UBLCP1: variants seen among roughly 807,000 people sequenced by gnomAD.
UBLCP1 encodes ubiquitin like domain containing CTD phosphatase 1, also known as ubiquitin-like domain-containing CTD phosphatase 1.
UBLCP1 carries 28 observed loss-of-function variants against 42.4 expected under a neutral mutation model. The observed-to-expected ratio is 0.66, with a 90% confidence interval of 0.49 to 0.90. The LOEUF is 0.90. Ranked by LOEUF, UBLCP1 falls within the 40% of genes least tolerant of loss-of-function variation. The pLI, the probability that UBLCP1 is intolerant of heterozygous loss-of-function variation, is 0.00. For synonymous variants in UBLCP1, 122 were observed against 120.8 expected (o/e 1.01, Z -0.07); for missense variants, 279 against 374.5 (o/e 0.75, Z 2.10).
chr5:159,275,181 A>G lies in UBLCP1; in HGVS notation c.619A>G (p.Ile207Val), dbSNP rs1384704467. ...AGTGAGCACAAATGCAAATTATAAG[A>G]TTACTTTCATGTTGGATAGTGCTGC... The part of the protein sequence containing the change: ...LGVSTNANYK[I>V]TFMLDSAAMI... The change falls in exon 8 of 11, where the codon ATT becomes GTT. Residue 207 changes from isoleucine to valine, a missense_variant. By Grantham distance (29) the Ile-to-Val change is conservative. Transcript: ENST00000296786. 1 of 1,613,268 alleles carries G rather than the reference A, an allele frequency of 6.2e-7. No individual in the cohort carries two copies. The highest frequency in any genetic ancestry group is 8.5e-7 in the Non-Finnish European group (1 of 1,179,834).
chr5:159,264,417 G>C (rs568926225), intron 1 of UBLCP1, among the ~76,000 whole-genome samples: 2 of 152,348 alleles, frequency 1.3e-5, no homozygotes, highest in Non-Finnish European at 2.9e-5. Context: ...CTTCATTGGT[G>C]TGAACGGTCT....
chr5:159,285,241 CACAA>C lies in UBLCP1; in HGVS notation c.*312_*315del, dbSNP rs1753661273. ...ACACACACACACACACACACACACACACAAAGTGGAGAAAAATGTATACTCAACA... is the reference window on the plus strand; with the variant it reads ...ACACACACACACACACACACACACACAGTGGAGAAAAATGTATACTCAACA... On this transcript the variant is annotated 3_prime_UTR_variant, in exon 11 of 11. Transcript: ENST00000296786. 4.9e-6 allele frequency: 1 copy of C among 205,394 alleles called. No homozygotes were observed. The allele number at this position is 205,394 out of a possible 1,614,324, so 12.7% of individuals were successfully genotyped here.
At chr5:159,269,881 GA>G (rs1214079628) in intron 2 of UBLCP1, 26 bp from the exon 3 acceptor site, 2 of 1,586,592 alleles carry the variant, frequency 1.3e-6, no homozygotes, top group African/African-American at 1.3e-5. Flanking sequence ...ACTTTAGTGA[GA>G]AAACAGTCAT....
Position 159,269,622 on chromosome 5 carries a change from T to C in UBLCP1, c.155-286T>C, listed in dbSNP as rs187531028. ...TCCTGGAAAACAGTAATATTCATCT[T>C]GAACAACAGAATAAAACATGAATTA... On this transcript the variant is annotated intron_variant, in intron 2 of 10. Coordinates refer to ENST00000296786, the MANE Select transcript of UBLCP1 (RefSeq NM_145049.5). Among the ~76,000 whole-genome samples, 508 of 152,314 alleles carry C rather than the reference T, an allele frequency of 3.3e-3. 2 individuals are homozygous for C. Among genetic ancestry groups the C allele is most frequent in the African/African-American group, 0.012 (491 of 41,574 alleles).
At chr5:159,263,638 C>A (rs530185582) in intron 1 of UBLCP1, among the ~76,000 whole-genome samples, 1 of 152,190 alleles carries the variant, frequency 6.6e-6, no homozygotes, top group Non-Finnish European at 1.5e-5. Flanking sequence ...CTTGTCCATC[C>A]CTCCCCTCAA....
intron 10 of UBLCP1, among the ~76,000 whole-genome samples, chr5:159,283,990 G>A (rs35046837): frequency 0.15 from 23,125 of 151,936 alleles, 2,004 homozygotes; most frequent in Non-Finnish European, 0.19. Flanking sequence ...ACAGTATTTG[G>A]GGGGGAATTA....
At chr5:159,284,666 T>C (rs902463834) in intron 10 of UBLCP1, among the ~76,000 whole-genome samples, 16 of 152,174 alleles carry the variant, frequency 1.1e-4, no homozygotes, top group African/African-American at 3.1e-4. Context: ...AACCTCTTTG[T>C]GCCTGTAAAA....
At position 159,269,914 on chromosome 5, in the gene UBLCP1, C is replaced by T; in HGVS notation, c.161C>T (p.Pro54Leu). Residue 54 changes from proline (P) to leucine (L), a missense_variant, in exon 3 of 11, where the codon CCT (proline) becomes CTT (leucine). Coordinates refer to ENST00000296786, the MANE Select transcript of UBLCP1 (RefSeq NM_145049.5). ...TCATTTGCTTGTATTGTAGGCAAAC[C>T]TGCAGAAAATGATGTTAAGCTTGGA... ...KLLGLKVKGK[P>L]AENDVKLGAL... 6.2e-7 allele frequency: 1 copy of T among 1,612,304 alleles called. No individual in the cohort carries two copies. Among genetic ancestry groups the T allele is most frequent in the Non-Finnish European group, 8.5e-7 (1 of 1,179,164 alleles).
At chr5:159,266,252 T>C (rs569580809) in intron 1 of UBLCP1, among the ~76,000 whole-genome samples, 1 of 152,308 alleles carries the variant, frequency 6.6e-6, no homozygotes, top group South Asian at 2.1e-4. Context: ...CAGATGGAAA[T>C]GAGGAACTTG....
At chr5:159,275,395 G>T (rs1400491261) in intron 8 of UBLCP1, 149 bp downstream of exon 8, 6 of 369,622 alleles carry the variant, frequency 1.6e-5, no homozygotes, top group Non-Finnish European at 2.9e-5. Flanking sequence ...TGTATTTAAG[G>T]TTAAAAGATT....
intron 8 of UBLCP1, among the ~76,000 whole-genome samples, chr5:159,275,487 C>T (rs370994531): frequency 6.9e-5 from 10 of 145,162 alleles, no homozygotes; most frequent in Admixed American, 5.0e-4. Flanking sequence ...ATCTCGCTCA[C>T]GCAAGCTCCG....
chr5:159,271,353 T>G (rs1444482207), intron 5 of UBLCP1, among the ~76,000 whole-genome samples: 3 of 151,978 alleles, frequency 2.0e-5, no homozygotes, highest in Admixed American at 6.6e-5. Context: ...CCAGCTACTT[T>G]AGGAGGCTGA....
At chr5:159,268,762 C>T (rs533648919) in intron 1 of UBLCP1, 108 bp from the exon 2 acceptor site, 110 of 766,252 alleles carry the variant, frequency 1.4e-4, no homozygotes, top group Non-Finnish European at 2.1e-4. Flanking sequence ...AAAATCCTCT[C>T]TATCATAAGT....
At chr5:159,267,170 G>A (rs1463407876) in intron 1 of UBLCP1, among the ~76,000 whole-genome samples, 1 of 152,180 alleles carries the variant, frequency 6.6e-6, no homozygotes, top group Non-Finnish European at 1.5e-5. Flanking sequence ...CAGCTGGGAG[G>A]GAGGGTTTAC....
intron 1 of UBLCP1, 61 bp downstream of exon 1, chr5:159,263,421 C>CAGT (rs1156530372): frequency 6.6e-6 from 1 of 152,364 alleles, no homozygotes; most frequent in Non-Finnish European, 1.5e-5. Flanking sequence ...GGCTCGGGGA[C>CAGT]AGTGGCTTTG....
intron 5 of UBLCP1, 52 bp downstream of exon 5, chr5:159,270,695 T>G (rs1349530302): frequency 5.8e-6 from 7 of 1,208,250 alleles, no homozygotes; most frequent in Non-Finnish European, 8.0e-6. Flanking sequence ...ACAACTCTTT[T>G]TTTCTTTTCT....
At chr5:159,266,270 C>T (rs187200890) in intron 1 of UBLCP1, among the ~76,000 whole-genome samples, 132 of 152,276 alleles carry the variant, frequency 8.7e-4, no homozygotes, top group Admixed American at 8.5e-4. Context: ...TTGTTGGGAA[C>T]TGGAGTAAAA....
intron 1 of UBLCP1, among the ~76,000 whole-genome samples, chr5:159,267,674 G>C (rs1044038134): frequency 6.6e-6 from 1 of 152,200 alleles, no homozygotes; most frequent in Non-Finnish European, 1.5e-5. Flanking sequence ...TGTGTTATGA[G>C]AGGGACCCAG....
At chr5:159,282,636 A>T (rs1443684142) in intron 9 of UBLCP1, among the ~76,000 whole-genome samples, 2 of 152,142 alleles carry the variant, frequency 1.3e-5, no homozygotes, top group African/African-American at 2.4e-5. Flanking sequence ...AAAATATGGC[A>T]GTTCTTTTTA....
Sources: allele counts gnomAD v4.1 joint callset (sites outside exome capture counted in the v4.1 genomes callset), GRCh38; gene constraint gnomAD v4.1.1; transcripts MANE v1.5; gene names NCBI Gene and HGNC (gene_info 2026-07-23, HGNC 2026-07-21).